Variants in SYNJ1 observed in about 807,000 individuals in gnomAD.
SYNJ1 encodes synaptojanin 1.
SYNJ1 carries 78 observed loss-of-function variants against 168.2 expected under a neutral mutation model. The observed-to-expected ratio is 0.46, with a 90% confidence interval of 0.39 to 0.56. The LOEUF (loss-of-function observed/expected upper bound fraction) is 0.56, where lower values mean the gene tolerates loss of function less well. SYNJ1 is among the 20% of genes least tolerant of loss of function. SYNJ1 has a pLI of 0.00. For synonymous variants in SYNJ1, 539 were observed against 548.6 expected (o/e 0.98, Z 0.24); for missense variants, 1,303 against 1,597.6 (o/e 0.82, Z 3.14).
chr21:32,636,327 A>G (rs1323495089), intron 31 of SYNJ1, among the ~76,000 whole-genome samples: 1 of 152,246 alleles, frequency 6.6e-6, no homozygotes, highest in Non-Finnish European at 1.5e-5. Context: ...TAAAGGACGT[A>G]TAACATGTTA....
intron 2 of SYNJ1, among the ~76,000 whole-genome samples, chr21:32,703,011 G>A (rs2042466508): frequency 6.6e-6 from 1 of 152,218 alleles, no homozygotes; most frequent in Admixed American, 6.5e-5. Context: ...CTTTGCATTA[G>A]AGATCTTCTA....
intron 24 of SYNJ1, 50 bp downstream of exon 24, chr21:32,646,343 A>G (rs2040067942): frequency 1.3e-6 from 2 of 1,563,190 alleles, no homozygotes; most frequent in Non-Finnish European, 1.8e-6. Flanking sequence ...TCCAACATCA[A>G]GCACATTGGC....
rs2041858912 is a variant in SYNJ1 at position 32,687,039 on chromosome 21, T to C, written c.887A>G (p.Gln296Arg). 1 of 1,544,448 alleles carries C rather than the reference T, an allele frequency of 6.5e-7. No homozygotes were observed. The highest frequency in any genetic ancestry group is 8.7e-7 in the Non-Finnish European group (1 of 1,149,686). Residue 296 changes from glutamine (Q) to arginine (R), a missense_variant, in exon 8 of 33, where the codon CAA becomes CGA. Gln to Arg is a conservative substitution (Grantham distance 43). Transcript: ENST00000674351. The stretch of plus-strand genomic sequence containing the variant: ...AGATCCAAGCAAATTTACTATTATT[T>C]GTTTACCATATAAGTTCTTAAGTGT... ...FRTLKNLYGK[Q>R]IIVNLLGSKE...
intron 18 of SYNJ1, among the ~76,000 whole-genome samples, chr21:32,658,998 A>G (rs1246212423): frequency 2.6e-5 from 4 of 152,156 alleles, no homozygotes; most frequent in Non-Finnish European, 4.4e-5. Flanking sequence ...CTTATTCTCA[A>G]TGAGGTGCTG....
intron 21 of SYNJ1, chr21:32,653,588 A>C: frequency 2.1e-6 from 1 of 466,826 alleles, no homozygotes. Context: ...AACAGCCACA[A>C]GAAATGAGTC....
At chr21:32,727,445 GAA>G (rs1387338558) in intron 1 of SYNJ1, among the ~76,000 whole-genome samples, 1 of 152,184 alleles carries the variant, frequency 6.6e-6, no homozygotes, top group African/African-American at 2.4e-5. Context: ...AAGGGCAAGG[GAA>G]AAGGCACAGG....
rs573424166 is a variant in SYNJ1 at position 32,660,059 on chromosome 21, T to C, written c.2305-2187A>G. On this transcript the variant is annotated intron_variant, in intron 18 of 32. Coordinates refer to ENST00000674351, the MANE Select transcript of SYNJ1 (RefSeq NM_203446.3). ...GAAAAACTTATGTTGGCCCCAGCCC[T>C]AGGACTACCAGATTTGACAAACCCC... is the stretch of plus-strand genomic sequence containing the variant. Among the ~76,000 whole-genome samples, 17 of 152,338 alleles carry C rather than the reference T, an allele frequency of 1.1e-4. No individual in the cohort carries two copies. In the East Asian group the frequency reaches 3.3e-3, roughly 29 times the overall value.
At chr21:32,713,337 A>G (rs1212054655) in intron 2 of SYNJ1, among the ~76,000 whole-genome samples, 2 of 141,942 alleles carry the variant, frequency 1.4e-5, no homozygotes, top group African/African-American at 2.7e-5. Flanking sequence ...AACATGGATG[A>G]TTTCCCATAT....
intron 31 of SYNJ1, among the ~76,000 whole-genome samples, chr21:32,636,021 A>G (rs2039550966): frequency 6.6e-6 from 1 of 152,182 alleles, no homozygotes; most frequent in African/African-American, 2.4e-5. Flanking sequence ...AGTACTTTAG[A>G]ATTTCCTGCC....
intron 6 of SYNJ1, 72 bp downstream of exon 6, chr21:32,694,156 A>G: frequency 9.1e-7 from 1 of 1,104,682 alleles, no homozygotes; most frequent in Non-Finnish European, 1.2e-6. Flanking sequence ...ATTAATTAAT[A>G]AACTATCCAG....
intron 18 of SYNJ1, among the ~76,000 whole-genome samples, chr21:32,659,053 A>T (rs1359690307): frequency 1.3e-5 from 2 of 152,054 alleles, no homozygotes; most frequent in Admixed American, 6.5e-5. Context: ...AAGTCTGGTG[A>T]TCACCAGGCA....
At chr21:32,708,156 G>A (rs2146279873) in intron 2 of SYNJ1, among the ~76,000 whole-genome samples, 1 of 152,288 alleles carries the variant, frequency 6.6e-6, no homozygotes, top group South Asian at 2.1e-4. Flanking sequence ...TAAGGTGGGG[G>A]TGGGAAATAT....
intron 11 of SYNJ1, among the ~76,000 whole-genome samples, chr21:32,680,952 A>C (rs1464885602): frequency 1.3e-5 from 2 of 152,150 alleles, no homozygotes; most frequent in African/African-American, 4.8e-5. Context: ...CTTGATAGCC[A>C]CCTTTCTAAG....
Position 32,639,795 on chromosome 21 carries a change from A to AT in SYNJ1, c.3589-17dup, listed in dbSNP as rs779654507. The AT allele has an allele frequency of 2.6e-5, 41 of 1,602,080 alleles. 1 individual carries two copies. The Middle Eastern group carries it at 5.0e-4, about 19-fold the overall frequency. On this transcript the variant is annotated splice_polypyrimidine_tract_variant and intron_variant, in intron 29 of 32. Coordinates refer to ENST00000674351, the MANE Select transcript of SYNJ1 (RefSeq NM_203446.3). ...GAGGAATCGTCTACAGATAGGAAAC[A>AT]TAACACTTGAGACATTTACTTACCT...
At chr21:32,639,648 T>C (rs1181038542) in intron 30 of SYNJ1, 23 bp downstream of exon 30, 1 of 1,601,092 alleles carries the variant, frequency 6.2e-7, no homozygotes, top group South Asian at 1.1e-5. Flanking sequence ...TCCTCCTGCC[T>C]CAGCCTCCCA....
intron 1 of SYNJ1, among the ~76,000 whole-genome samples, chr21:32,727,156 G>A (rs965822814): frequency 1.2e-4 from 19 of 152,334 alleles, no homozygotes; most frequent in Middle Eastern, 3.4e-3. Flanking sequence ...TTTTAGCACT[G>A]TAAGTCAATC....
chr21:32,707,284 T>G lies in SYNJ1; in HGVS notation c.125-5237A>C, dbSNP rs202087983. On this transcript the variant is annotated intron_variant, in intron 2 of 32. Coordinates refer to ENST00000674351, the MANE Select transcript of SYNJ1 (RefSeq NM_203446.3). ...GAAACTAAGTCTTATTTCTTTTTCCTTTTTTTTTTTTTTTTTTTTTGAGAC... is the reference window on the plus strand; with the variant it reads ...GAAACTAAGTCTTATTTCTTTTTCCGTTTTTTTTTTTTTTTTTTTTGAGAC... Among the ~76,000 whole-genome samples, 66 of 123,712 alleles carry G rather than the reference T, an allele frequency of 5.3e-4. No individual in the cohort carries two copies. The East Asian group carries it at 0.013, about 25-fold the overall frequency. 81.2% of individuals were successfully genotyped at this position (123,712 alleles called of 152,430 possible). A position where few individuals can be genotyped will look rare whatever the true frequency, so the allele number is the denominator to read the frequency against.
chr21:32,711,042 A>G (rs1407982346), intron 2 of SYNJ1, among the ~76,000 whole-genome samples: 4 of 152,236 alleles, frequency 2.6e-5, no homozygotes, highest in African/African-American at 9.6e-5. Flanking sequence ...ATATCCTACA[A>G]CTTAATTCAG....
intron 6 of SYNJ1, among the ~76,000 whole-genome samples, chr21:32,693,316 A>G (rs1351457347): frequency 1.3e-5 from 2 of 152,202 alleles, no homozygotes; most frequent in Non-Finnish European, 2.9e-5. Flanking sequence ...TATTTACGTT[A>G]TCCCTACAAA....
Sources: gnomAD v4.1 joint callset for allele counts (sites outside exome capture counted in the v4.1 genomes callset) on GRCh38, gnomAD v4.1.1 for gene constraint, MANE v1.5 for transcripts, NCBI Gene and HGNC (gene_info 2026-07-23, HGNC 2026-07-21) for gene names.